Variants in CPEB4 observed in about 807,000 individuals in gnomAD.
The protein encoded by CPEB4 is cytoplasmic polyadenylation element-binding protein 4.
In CPEB4, 12 loss-of-function variants were observed where a neutral mutation model predicts 72.5. The observed-to-expected ratio is 0.17, with a 90% CI of 0.11 to 0.27. The LOEUF (loss-of-function observed/expected upper bound fraction) is 0.27, where lower values mean the gene tolerates loss of function less well. Ranked by LOEUF, CPEB4 falls within the 10% of genes least tolerant of loss-of-function variation. CPEB4 has a pLI of 1.00. For missense variants in CPEB4, 614 were observed against 908.5 expected (o/e 0.68, Z 4.17); for synonymous variants, 302 against 326.3 (o/e 0.93, Z 0.80).
chr5:173,938,696 T>C (rs1286092603), intron 3 of CPEB4, among the ~76,000 whole-genome samples: 1 of 152,228 alleles, frequency 6.6e-6, no homozygotes, highest in African/African-American at 2.4e-5. Flanking sequence ...CATTGTCCAC[T>C]AAAACATAGT....
chr5:173,908,355 G>C (rs1756520029), intron 1 of CPEB4, among the ~76,000 whole-genome samples: 1 of 152,190 alleles, frequency 6.6e-6, no homozygotes, highest in Non-Finnish European at 1.5e-5. Flanking sequence ...TCTGGAGGGA[G>C]TCATACCAGT....
intron 3 of CPEB4, among the ~76,000 whole-genome samples, chr5:173,937,870 A>G (rs987613605): frequency 6.6e-5 from 10 of 152,238 alleles, no homozygotes; most frequent in African/African-American, 2.4e-4. Flanking sequence ...ACATTCTTTG[A>G]ATGTTGTTGT....
Position 173,956,166 on chromosome 5 carries a change from C to T in CPEB4, c.*29C>T, listed in dbSNP as rs1257293646. 1 of 1,578,216 alleles carries T rather than the reference C, an allele frequency of 6.3e-7. No individual in the cohort carries two copies. Among genetic ancestry groups the T allele is most frequent in the Non-Finnish European group, 8.7e-7 (1 of 1,148,104 alleles). On this transcript the variant is annotated 3_prime_UTR_variant, in exon 10 of 10. Coordinates refer to ENST00000265085, the MANE Select transcript of CPEB4 (RefSeq NM_030627.4). ...ATAACTGCAGTGCTCATTTTCAGGC[C>T]TCAGAATAAGTGCACTCTTCTGTTC...
chr5:173,933,306 CAAAT>C (rs1227383486), intron 3 of CPEB4, among the ~76,000 whole-genome samples: 3 of 152,108 alleles, frequency 2.0e-5, no homozygotes, highest in Non-Finnish European at 1.5e-5. Context: ...ATTCCCAAAA[CAAAT>C]AAAAATAAAA....
At chr5:173,938,252 A>C (rs544373615) in intron 3 of CPEB4, among the ~76,000 whole-genome samples, 1 of 152,196 alleles carries the variant, frequency 6.6e-6, no homozygotes, top group East Asian at 1.9e-4. Context: ...TTGAGACGGA[A>C]TCTCGCTCTG....
chr5:173,915,536 C>T lies in CPEB4; in HGVS notation c.1207+4932C>T, dbSNP rs189570111. 3.3e-5 allele frequency among the ~76,000 whole-genome samples: 5 copies of T among 152,200 alleles called. No individual in the cohort carries two copies. In the East Asian group the frequency reaches 7.7e-4, roughly 23 times the overall value. On this transcript the variant is annotated intron_variant, in intron 2 of 9. Transcript: ENST00000265085. Reference sequence around the variant, plus strand: ...TCCTCAGAAGCTCTTCCCCAGAGACCGAATTCATTTTCTTTGCTGCACACT... The same window carrying T: ...TCCTCAGAAGCTCTTCCCCAGAGACTGAATTCATTTTCTTTGCTGCACACT...
At chr5:173,919,145 ATGTG>A (rs2113202335) in intron 2 of CPEB4, among the ~76,000 whole-genome samples, 1 of 152,318 alleles carries the variant, frequency 6.6e-6, no homozygotes, top group East Asian at 1.9e-4. Context: ...GGATTTAACT[ATGTG>A]TGGTAGATAA....
At chr5:173,901,008 C>T (rs768623887) in intron 1 of CPEB4, among the ~76,000 whole-genome samples, 2 of 152,086 alleles carry the variant, frequency 1.3e-5, no homozygotes, top group South Asian at 2.1e-4. Flanking sequence ...AATTATTTCT[C>T]TCTGCTAGGC....
At chr5:173,939,447 C>G (rs2113260475) in intron 3 of CPEB4, among the ~76,000 whole-genome samples, 1 of 151,986 alleles carries the variant, frequency 6.6e-6, no homozygotes, top group South Asian at 2.1e-4. Flanking sequence ...ACAAATGTTG[C>G]AACAAATGAG....
At chr5:173,920,071 G>A (rs1052303271) in intron 2 of CPEB4, among the ~76,000 whole-genome samples, 2 of 152,196 alleles carry the variant, frequency 1.3e-5, no homozygotes, top group African/African-American at 4.8e-5. Flanking sequence ...ACATTGAGAT[G>A]GTCAGGCTGC....
At chr5:173,940,363 A>C (rs1457932283) in intron 3 of CPEB4, among the ~76,000 whole-genome samples, 7 of 152,212 alleles carry the variant, frequency 4.6e-5, no homozygotes, top group Non-Finnish European at 1.0e-4. Context: ...ACTTCCTCGG[A>C]TATTTGAGAA....
In CPEB4 at chr5:173,889,849, C is replaced by A. The variant is rs774985810; in HGVS notation, c.116C>A (p.Pro39His). 6 of 1,614,176 alleles carry A rather than the reference C, an allele frequency of 3.7e-6. No individual in the cohort carries two copies. The East Asian group carries it at 1.3e-4, about 36-fold the overall frequency. Residue 39 changes from proline to histidine, a missense_variant, in exon 1 of 10, where the codon CCC (proline) becomes CAC (histidine). Pro to His is a moderately conservative substitution (Grantham distance 77). Around this residue, in one of 5 missense-constraint regions of CPEB4, gnomAD observed 458 missense variants for 548.6 expected, o/e 0.83. Coordinates refer to ENST00000265085, the MANE Select transcript of CPEB4 (RefSeq NM_030627.4). ...QPPHHHQNAT[P>H]SPAAFINNNT... ...CCACACCATCACCAAAATGCCACCC[C>A]CAGCCCTGCTGCTTTTATAAATAAT...
intron 3 of CPEB4, among the ~76,000 whole-genome samples, chr5:173,937,906 C>G (rs1392781088): frequency 6.6e-6 from 1 of 152,100 alleles, no homozygotes; most frequent in Non-Finnish European, 1.5e-5. Context: ...TAAGCATAAG[C>G]CAATGTGATA....
At chr5:173,935,615 C>T (rs1001863488) in intron 3 of CPEB4, among the ~76,000 whole-genome samples, 1 of 152,118 alleles carries the variant, frequency 6.6e-6, no homozygotes, top group Non-Finnish European at 1.5e-5. Flanking sequence ...TATTCTCTTT[C>T]TCACATGAAC....
intron 1 of CPEB4, among the ~76,000 whole-genome samples, chr5:173,896,343 A>G (rs983040273): frequency 1.3e-5 from 2 of 152,252 alleles, no homozygotes; most frequent in Admixed American, 6.5e-5. Flanking sequence ...ATGTTTTACC[A>G]TGATAAATTT....
intron 1 of CPEB4, among the ~76,000 whole-genome samples, chr5:173,904,777 G>A (rs1756365648): frequency 6.6e-6 from 1 of 151,856 alleles, no homozygotes; most frequent in African/African-American, 2.4e-5. Flanking sequence ...AGTAAATTGT[G>A]TAAGTTTTCT....
At chr5:173,906,575 A>G (rs1178321806) in intron 1 of CPEB4, among the ~76,000 whole-genome samples, 4 of 152,216 alleles carry the variant, frequency 2.6e-5, no homozygotes, top group East Asian at 1.9e-4. Flanking sequence ...ATCGGACCTT[A>G]TACCTTGCAG....
In CPEB4 at chr5:173,890,617, C is replaced by T; in HGVS notation, c.884C>T (p.Pro295Leu). The T allele has an allele frequency of 1.2e-6, 2 of 1,614,016 alleles. No individual in the cohort carries two copies. The highest frequency in any genetic ancestry group is 8.5e-7 in the Non-Finnish European group (1 of 1,179,922). The stretch of plus-strand genomic sequence containing the variant: ...AGCTACCAGAGTCCGTCACCAACAC[C>T]CTCCTCTTCCTGGAGCCCGGGCGGT... Reference protein sequence around the residue: ...WSSYQSPSPTPSSSWSPGGGG... With the variant: ...WSSYQSPSPTLSSSWSPGGGG... The change falls in exon 1 of 10, where the codon CCC becomes CTC. Residue 295 changes from proline (P) to leucine (L), a missense_variant. Pro to Leu is a moderately conservative substitution (Grantham distance 98). Transcript: ENST00000265085.
intron 1 of CPEB4, among the ~76,000 whole-genome samples, chr5:173,902,059 T>C (rs1756255758): frequency 6.6e-6 from 1 of 152,224 alleles, no homozygotes; most frequent in Non-Finnish European, 1.5e-5. Flanking sequence ...TGATGATCTG[T>C]GAATTTACAT....
Sources: gnomAD v4.1 joint callset for allele counts (sites outside exome capture counted in the v4.1 genomes callset) on GRCh38, gnomAD v4.1.1 for gene constraint, gnomAD v4.1.1 regional missense constraint, MANE v1.5 for transcripts, NCBI Gene and HGNC (gene_info 2026-07-23, HGNC 2026-07-21) for gene names.